Variants in C3orf49 observed in about 807,000 individuals in gnomAD.
C3orf49 encodes the protein putative uncharacterized protein C3orf49.
In C3orf49, 27 loss-of-function variants were observed where a neutral mutation model predicts 13.3. The observed-to-expected ratio is 2.02, with a 90% CI of 1.49 to 2.79. The LOEUF is 2.79. Among genes scored for constraint, C3orf49 ranks in the 30% most tolerant of loss-of-function variants. C3orf49 has a pLI of 0.00. For synonymous variants in C3orf49, 87 were observed against 47.6 expected (o/e 1.83, Z -3.40); for missense variants, 242 against 134.2 (o/e 1.80, Z -3.97).
rs1190136438 is a variant in C3orf49 at position 63,845,084 on chromosome 3, T to A, written c.*30+2T>A. 2.9e-6 allele frequency: 2 copies of A among 697,108 alleles called. No individual in the cohort carries two copies. The highest frequency in any genetic ancestry group is 2.7e-5 in the East Asian group (1 of 37,228). 43.2% of individuals were successfully genotyped at this position (697,108 alleles called of 1,614,324 possible). A position where few individuals can be genotyped will look rare whatever the true frequency, so the allele number is the denominator to read the frequency against. On this transcript the variant is annotated splice_donor_variant, in intron 6 of 6. Coordinates refer to ENST00000295896, the MANE Select transcript of C3orf49 (RefSeq NM_001355236.2). LOFTEE classifies it low-confidence loss of function (3UTR_SPLICE). Reference sequence around the variant, plus strand: ...ACTCCTTGAGGAACACAGGAAAAGGTGATGCTAACCTTCTTTTCTGGGGGT... The same window carrying A: ...ACTCCTTGAGGAACACAGGAAAAGGAGATGCTAACCTTCTTTTCTGGGGGT...
chr3:63,835,298 T>A, intron 5 of C3orf49: 1 of 1,613,294 alleles, frequency 6.2e-7, no homozygotes, highest in Non-Finnish European at 8.5e-7. Flanking sequence ...AGACAGATCA[T>A]GAAGGCTAAA....
At chr3:63,819,641 G>T (rs1443168355) in intron 1 of C3orf49, 45 bp downstream of exon 1, 1 of 701,888 alleles carries the variant, frequency 1.4e-6, no homozygotes, top group Non-Finnish European at 2.6e-6. Context: ...GAGTCTTTGG[G>T]TTTGGCATAG....
At chr3:63,832,841 GA>G (rs1701551855) in intron 5 of C3orf49, 1 of 152,028 alleles carries the variant, frequency 6.6e-6, no homozygotes, top group Non-Finnish European at 1.5e-5. Flanking sequence ...TATGTATTAT[GA>G]CACTTTTAAT....
At chr3:63,846,662 C>T (rs1479015077) in intron 6 of C3orf49, among the ~76,000 whole-genome samples, 4 of 152,114 alleles carry the variant, frequency 2.6e-5, no homozygotes, top group Non-Finnish European at 4.4e-5. Flanking sequence ...CCACCCACCT[C>T]GGCCTCCTAA....
intron 5 of C3orf49, among the ~76,000 whole-genome samples, chr3:63,843,758 A>G (rs1392294047): frequency 6.6e-6 from 1 of 152,176 alleles, no homozygotes; most frequent in African/African-American, 2.4e-5. Flanking sequence ...AATATTAGCC[A>G]GGCATGGTGG....
chr3:63,827,025 A>C (rs1701471730), intron 2 of C3orf49: 3 of 152,054 alleles, frequency 2.0e-5, no homozygotes, highest in Admixed American at 2.0e-4. Flanking sequence ...TGTTTTTAGC[A>C]TAGTAATTTT....
chr3:63,795,117 A>C, the C3orf49 span, among the ~76,000 whole-genome samples: 4 of 152,196 alleles, frequency 2.6e-5, no homozygotes, highest in Non-Finnish European at 5.9e-5. Context: ...TAACTTTGTA[A>C]CTTCACCCCA....
chr3:63,830,679 G>A (rs1171074530), intron 3 of C3orf49, among the ~76,000 whole-genome samples: 2 of 152,112 alleles, frequency 1.3e-5, no homozygotes, highest in South Asian at 2.1e-4. Context: ...GTTTGAAGAC[G>A]TGACTGCCGT....
At chr3:63,847,147 A>G (rs1575810117) in intron 6 of C3orf49, among the ~76,000 whole-genome samples, 2 of 152,242 alleles carry the variant, frequency 1.3e-5, no homozygotes, top group Admixed American at 1.3e-4. Context: ...CTGCTAAAAA[A>G]AATTTCTAGG....
the C3orf49 span, among the ~76,000 whole-genome samples, chr3:63,795,939 C>A: frequency 6.6e-6 from 1 of 152,138 alleles, no homozygotes; most frequent in South Asian, 2.1e-4. Context: ...AAACTGCCAA[C>A]GTGTTTAGGG....
the C3orf49 span, among the ~76,000 whole-genome samples, chr3:63,810,883 C>T: frequency 7.2e-5 from 11 of 152,184 alleles, no homozygotes; most frequent in Non-Finnish European, 1.0e-4. Flanking sequence ...GTCTCACTCT[C>T]TCACCCAGGC....
chr3:63,794,794 C>T, the C3orf49 span, among the ~76,000 whole-genome samples: 5 of 152,128 alleles, frequency 3.3e-5, no homozygotes, highest in South Asian at 2.1e-4. Flanking sequence ...CCTTGAAATA[C>T]ATCGTCCTGA....
chr3:63,794,172 T>TACACACACACACACACACACACAC, the C3orf49 span, among the ~76,000 whole-genome samples: 24 of 142,606 alleles, frequency 1.7e-4, no homozygotes, highest in African/African-American at 6.2e-4. Flanking sequence ...TACACACACA[T>TACACACACACACACACACACACAC]ACACACACAC....
At chr3:63,814,463 A>T (rs769442283), upstream of C3orf49, among the ~76,000 whole-genome samples, 6 of 151,950 alleles carry the variant, frequency 3.9e-5, no homozygotes, top group Non-Finnish European at 2.9e-5. Flanking sequence ...ATCAATTGCT[A>T]TCTCAATAGG....
At chr3:63,815,403 T>A (rs1336940049), upstream of C3orf49, among the ~76,000 whole-genome samples, 3 of 152,112 alleles carry the variant, frequency 2.0e-5, no homozygotes, top group Non-Finnish European at 4.4e-5. Context: ...ACCTAATGAC[T>A]TTTCAACACT....
Position 63,827,652 on chromosome 3 carries a change from G to GA in C3orf49, c.500dup (p.Asn167LysfsTer39), listed in dbSNP as rs747919189. 1.4e-6 allele frequency: 1 copy of GA among 703,250 alleles called. No individual in the cohort carries two copies. The highest frequency in any genetic ancestry group is 1.5e-5 in the South Asian group (1 of 67,598). 43.6% of individuals were successfully genotyped at this position (703,250 alleles called of 1,614,324 possible). A position where few individuals can be genotyped will look rare whatever the true frequency, so the allele number is the denominator to read the frequency against. On this transcript the variant is annotated frameshift_variant, in exon 3 of 7. Transcript: ENST00000295896. LOFTEE classifies it high-confidence loss of function. The stretch of plus-strand genomic sequence containing the variant: ...GCAGAGACAGAGGAGATAACCCAGG[G>GA]AAACACACTCCTTCGGGCCAGGAGA...
intron 5 of C3orf49, chr3:63,833,983 G>C: frequency 1.5e-6 from 1 of 682,738 alleles, no homozygotes; most frequent in East Asian, 2.9e-5. Context: ...TCCTTTGTGA[G>C]AGGAAATATG....
chr3:63,800,868 C>A, the C3orf49 span, among the ~76,000 whole-genome samples: 1 of 151,962 alleles, frequency 6.6e-6, no homozygotes. Flanking sequence ...GAAGAACCAC[C>A]CAGGGGAAAC....
At chr3:63,802,066 A>G in the C3orf49 span, among the ~76,000 whole-genome samples, 1 of 152,242 alleles carries the variant, frequency 6.6e-6, no homozygotes, top group Non-Finnish European at 1.5e-5. Flanking sequence ...GTGAACACAG[A>G]AAGGGTAACT....
Sources: allele counts gnomAD v4.1 joint callset (sites outside exome capture counted in the v4.1 genomes callset), GRCh38; gene constraint gnomAD v4.1.1; transcripts MANE v1.5; gene names NCBI Gene and HGNC (gene_info 2026-07-23, HGNC 2026-07-21).